HERC2: variants seen among roughly 807,000 people sequenced by gnomAD.
HERC2 encodes the protein HECT and RLD domain containing E3 ubiquitin protein ligase 2.
In HERC2, 102 loss-of-function variants were observed where a neutral mutation model predicts 537.7. The observed-to-expected ratio is 0.19, with a 90% CI of 0.16 to 0.22. The LOEUF is 0.22. Ranked by LOEUF, HERC2 falls within the 10% of genes least tolerant of loss-of-function variation. The pLI is 1.00. For synonymous variants in HERC2, 2,224 were observed against 2,466.2 expected (o/e 0.90, Z 2.91); for missense variants, 4,236 against 6,198.2 (o/e 0.68, Z 10.63).
intron 65 of HERC2, among the ~76,000 whole-genome samples, chr15:28,173,755 A>AAGC (rs1894926943): frequency 6.6e-6 from 1 of 150,532 alleles, no homozygotes; most frequent in South Asian, 2.1e-4. Flanking sequence ...GTGAGCCAAA[A>AAGC]TCGTGCCACT....
At chr15:28,136,720 T>C (rs576373488) in intron 78 of HERC2, among the ~76,000 whole-genome samples, 2 of 152,374 alleles carry the variant, frequency 1.3e-5, no homozygotes, top group South Asian at 4.1e-4. Flanking sequence ...ATTTATAATA[T>C]GTCCAGGGCT....
At position 28,202,376 on chromosome 15, in the gene HERC2, C is replaced by T. The variant is rs1392520583; in HGVS notation, c.7451G>A (p.Gly2484Asp). 2 of 1,613,652 alleles carry T rather than the reference C, an allele frequency of 1.2e-6. No homozygotes were observed. The highest frequency in any genetic ancestry group is 1.7e-6 in the Non-Finnish European group (2 of 1,179,810). Residue 2484 changes from glycine (G) to aspartate (D), a missense_variant, in exon 46 of 93, where the codon GGT (glycine) becomes GAT (aspartate). Coordinates refer to ENST00000261609, the MANE Select transcript of HERC2 (RefSeq NM_004667.6). ...NIEFALKSLT[G>D]ASGNASSLPG... ...CAAGCTGGATGCATTCCCGGAAGCACCAGTGAGAGACTTCAGGGCAAACTC... is the reference window on the plus strand; with the variant it reads ...CAAGCTGGATGCATTCCCGGAAGCATCAGTGAGAGACTTCAGGGCAAACTC...
chr15:28,185,591 G>C (rs1178450843), intron 56 of HERC2, among the ~76,000 whole-genome samples: 1 of 152,186 alleles, frequency 6.6e-6, no homozygotes, highest in Non-Finnish European at 1.5e-5. Flanking sequence ...CCCTGCAAAT[G>C]CAAGTTCTAG....
chr15:28,223,391 A>G (rs1900737686), intron 35 of HERC2, among the ~76,000 whole-genome samples: 1 of 152,128 alleles, frequency 6.6e-6, no homozygotes, highest in Non-Finnish European at 1.5e-5. Context: ...AAAAATGTAA[A>G]AAGTTTGTGT....
chr15:28,144,862 AC>A (rs1190772788), intron 71 of HERC2, 58 bp from the exon 72 acceptor site: 1 of 1,605,726 alleles, frequency 6.2e-7, no homozygotes, highest in African/African-American at 1.3e-5. Context: ...ATCAACACAA[AC>A]CTTCTTAGAC....
chr15:28,282,526 T>C lies in HERC2; in HGVS notation c.323-2239A>G, dbSNP rs977646517. Reference sequence around the variant, plus strand: ...GAAAGTTTAGAACTGAAAAATACAATAACCAAAATAAAAAGCTCAGTGAAT... The same window carrying C: ...GAAAGTTTAGAACTGAAAAATACAACAACCAAAATAAAAAGCTCAGTGAAT... On this transcript the variant is annotated intron_variant, in intron 4 of 92. Coordinates refer to ENST00000261609, the MANE Select transcript of HERC2 (RefSeq NM_004667.6). 2.0e-5 allele frequency among the ~76,000 whole-genome samples: 3 copies of C among 151,612 alleles called. No homozygotes were observed. In the East Asian group the frequency reaches 5.8e-4, roughly 29 times the overall value.
Position 28,193,756 on chromosome 15 carries a change from A to AAT in HERC2, c.8261-1607_8261-1606dup, listed in dbSNP as rs545575101. ...ACTTCCATCCAACTTCAGGAGAAAT[A>AAT]ATATAAACCAAATTGCAATGGAATA... On this transcript the variant is annotated intron_variant, in intron 52 of 92. Coordinates refer to ENST00000261609, the MANE Select transcript of HERC2 (RefSeq NM_004667.6). Among the ~76,000 whole-genome samples the AAT allele has an allele frequency of 4.1e-4, 63 of 152,342 alleles. 1 individual carries two copies. In the East Asian group the frequency reaches 0.011, roughly 26 times the overall value.
chr15:28,177,134 C>T lies in HERC2; in HGVS notation c.9255-7G>A. 1 of 1,607,168 alleles carries T rather than the reference C, an allele frequency of 6.2e-7. No homozygotes were observed. Among genetic ancestry groups the T allele is most frequent in the Non-Finnish European group, 8.5e-7 (1 of 1,175,128 alleles). On this transcript the variant is annotated splice_polypyrimidine_tract_variant and splice_region_variant and intron_variant, in intron 60 of 92. Transcript: ENST00000261609. This position sits in a 1 kb window ranked among gnomAD's most constrained non-coding sequence, Gnocchi z 5.0. ...CCTTGGTTTGTCACAGTTCCTACAA[C>T]AAGATGAAATCAGCTCTCTACAGTC...
intron 15 of HERC2, among the ~76,000 whole-genome samples, chr15:28,262,184 T>A (rs1178312867): frequency 4.6e-5 from 7 of 152,280 alleles, no homozygotes; most frequent in African/African-American, 1.7e-4. Context: ...ATGAAGACTA[T>A]CTCCCAACCA....
chr15:28,122,456 G>A lies in HERC2; in HGVS notation c.13189-1027C>T, dbSNP rs1207689208. Among the ~76,000 whole-genome samples the A allele has an allele frequency of 6.6e-6, 1 of 152,192 alleles. No homozygotes were observed. Among genetic ancestry groups the A allele is most frequent in the Non-Finnish European group, 1.5e-5 (1 of 68,016 alleles). ...TAAGAACTCCAAGCCCTGAAGGCAG[G>A]AGGTGAGGGCCCCAAGCGCCAGAGG... On this transcript the variant is annotated intron_variant, in intron 85 of 92. Coordinates refer to ENST00000261609, the MANE Select transcript of HERC2 (RefSeq NM_004667.6). The surrounding 1 kb of genome is among the most constrained non-coding windows in gnomAD (Gnocchi z 4.1).
chr15:28,179,234 ATT>A lies in HERC2; in HGVS notation c.8938-13_8938-12del. ...CGAAGGAACCTTTATCTACAACAGA[ATT>A]TTTTTAACAAAAAAAAAAGAAAAGA... On this transcript the variant is annotated splice_polypyrimidine_tract_variant and intron_variant, in intron 57 of 92. Coordinates refer to ENST00000261609, the MANE Select transcript of HERC2 (RefSeq NM_004667.6). The A allele has an allele frequency of 6.4e-7, 1 of 1,571,368 alleles. No homozygotes were observed. Among genetic ancestry groups the A allele is most frequent in the Non-Finnish European group, 8.6e-7 (1 of 1,160,452 alleles).
rs762799882 is a variant in HERC2, at chr15:28,175,635, T to C, written c.9708A>G (p.Arg3236=). 19 of 1,613,922 alleles carry C rather than the reference T, an allele frequency of 1.2e-5. No homozygotes were observed. Among genetic ancestry groups the C allele is most frequent in the African/African-American group, 4.0e-5 (3 of 74,892 alleles). The change falls in exon 64 of 93, where the codon AGA becomes AGG. Residue 3236 remains arginine (R), a synonymous_variant. Transcript: ENST00000261609. ...VWTWGKGDYF[R]LGHGSDVHVR... ...CGTGCACGTCAGAGCCGTGGCCCAATCTGAAGTAATCCCCCTTTCCCCTGA... is the reference window on the plus strand; with the variant it reads ...CGTGCACGTCAGAGCCGTGGCCCAACCTGAAGTAATCCCCCTTTCCCCTGA...
chr15:28,150,231 G>A (rs554688134), intron 70 of HERC2, among the ~76,000 whole-genome samples: 5 of 151,372 alleles, frequency 3.3e-5, no homozygotes, highest in African/African-American at 1.2e-4. Context: ...CCACATGAAC[G>A]TACGTTCTAG....
At chr15:28,312,146 G>A (rs1288469245) in intron 2 of HERC2, among the ~76,000 whole-genome samples, 1 of 152,302 alleles carries the variant, frequency 6.6e-6, no homozygotes, top group African/African-American at 2.4e-5. Flanking sequence ...AAAACTATTT[G>A]GGCACCTTAA....
intron 2 of HERC2, among the ~76,000 whole-genome samples, chr15:28,310,214 G>C (rs2076903428): frequency 1.3e-5 from 2 of 152,200 alleles, no homozygotes; most frequent in Admixed American, 1.3e-4. Context: ...GGGAGGCCAA[G>C]GCAGGTGAAT....
chr15:28,182,561 A>G, intron 56 of HERC2, 49 bp from the exon 57 acceptor site: 1 of 1,345,840 alleles, frequency 7.4e-7, no homozygotes. Context: ...GTTATTCAGC[A>G]TAAAACATTT....
intron 47 of HERC2, 147 bp from the exon 48 acceptor site, chr15:28,201,701 C>G: frequency 1.6e-6 from 1 of 643,210 alleles, no homozygotes; most frequent in Non-Finnish European, 2.8e-6. Context: ...TTAAAAAAGA[C>G]TAATAGCAGT....
chr15:28,259,386 T>C (rs1284111639), intron 16 of HERC2, among the ~76,000 whole-genome samples: 2 of 152,094 alleles, frequency 1.3e-5, no homozygotes, highest in Non-Finnish European at 2.9e-5. Context: ...TGAGCCACTG[T>C]GTCTGGCGTA....
intron 2 of HERC2, among the ~76,000 whole-genome samples, chr15:28,311,076 C>CAA (rs71132854): frequency 0.03 from 881 of 29,290 alleles, 191 homozygotes; most frequent in African/African-American, 0.045. Context: ...GACTGCATCT[C>CAA]AAAAAAAAAA....
Sources: allele counts gnomAD v4.1 joint callset (sites outside exome capture counted in the v4.1 genomes callset), GRCh38; gene constraint gnomAD v4.1.1; non-coding constraint Gnocchi (gnomAD v3.1); transcripts MANE v1.5; gene names NCBI Gene and HGNC (gene_info 2026-07-23, HGNC 2026-07-21).